PTER: variants seen among roughly 807,000 people sequenced by gnomAD.
PTER encodes the protein phosphotriesterase related, also known as N-acetyltaurine hydrolase.
PTER carries 38 observed loss-of-function variants against 29.6 expected under a neutral mutation model. The observed-to-expected ratio is 1.28, with a 90% confidence interval of 0.99 to 1.68. The LOEUF (loss-of-function observed/expected upper bound fraction) is 1.68. Ranked by LOEUF, PTER falls within the 40% of genes most tolerant of loss-of-function variation. The pLI is 0.00. For synonymous variants in PTER, 172 were observed against 154.5 expected (o/e 1.11, Z -0.84); for missense variants, 482 against 427.8 (o/e 1.13, Z -1.12).
At chr10:16,486,325 A>T in intron 2 of PTER, 27 bp from the exon 3 acceptor site, 1 of 1,583,180 alleles carries the variant, frequency 6.3e-7, no homozygotes, top group Non-Finnish European at 8.6e-7. Flanking sequence ...CAACCTATAA[A>T]ATATATTCCT....
intron 1 of PTER, among the ~76,000 whole-genome samples, chr10:16,446,178 T>G (rs1834004904): frequency 6.6e-6 from 1 of 152,034 alleles, no homozygotes; most frequent in South Asian, 2.1e-4. Context: ...GGGAGAAGGC[T>G]CTTACAAATA....
chr10:16,479,110 G>C (rs930877253), intron 1 of PTER, among the ~76,000 whole-genome samples: 2 of 152,022 alleles, frequency 1.3e-5, no homozygotes, highest in Non-Finnish European at 2.9e-5. Context: ...GAAAGCTTGG[G>C]AATGAAACCC....
At chr10:16,486,717 C>T in intron 3 of PTER, 100 bp downstream of exon 3, 1 of 1,287,772 alleles carries the variant, frequency 7.8e-7, no homozygotes, top group Non-Finnish European at 1.1e-6. Flanking sequence ...ACTAATCACG[C>T]AGAGAAAACC....
At chr10:16,482,080 A>G (rs1835501218) in intron 1 of PTER, among the ~76,000 whole-genome samples, 2 of 152,330 alleles carry the variant, frequency 1.3e-5, no homozygotes, top group South Asian at 4.1e-4. Flanking sequence ...TGAATTGCCT[A>G]GCTGATAGAA....
At chr10:16,501,239 T>C (rs1381759730) in intron 3 of PTER, among the ~76,000 whole-genome samples, 1 of 151,972 alleles carries the variant, frequency 6.6e-6, no homozygotes, top group Non-Finnish European at 1.5e-5. Flanking sequence ...CCAATATTTG[T>C]AATATTCATT....
chr10:16,484,847 G>T (rs1470806630), intron 2 of PTER, 31 bp downstream of exon 2: 3 of 1,548,392 alleles, frequency 1.9e-6, no homozygotes, highest in Admixed American at 4.2e-5. Context: ...GACAGTATTT[G>T]TTCATAAATT....
intron 1 of PTER, among the ~76,000 whole-genome samples, chr10:16,472,621 CA>C (rs1835095390): frequency 6.6e-6 from 1 of 152,186 alleles, no homozygotes; most frequent in African/African-American, 2.4e-5. Context: ...TACCCAGTCT[CA>C]GTTATATCTT....
chr10:16,447,257 C>A (rs147529023), intron 1 of PTER, among the ~76,000 whole-genome samples: 2,711 of 151,640 alleles, frequency 0.018, 85 homozygotes, highest in African/African-American at 0.063. Context: ...CATGCCACAC[C>A]TAATTTTTTT....
At chr10:16,511,020 A>G in intron 4 of PTER, 26 bp from the exon 5 acceptor site, 4 of 1,587,558 alleles carry the variant, frequency 2.5e-6, no homozygotes, top group Non-Finnish European at 3.4e-6. Flanking sequence ...GACAAATGAC[A>G]TCTAATGAGT....
chr10:16,501,973 G>T (rs189872462), intron 3 of PTER, among the ~76,000 whole-genome samples: 2 of 152,328 alleles, frequency 1.3e-5, no homozygotes, highest in East Asian at 3.9e-4. Context: ...TGATGATAAT[G>T]ATGCTAAGTG....
chr10:16,462,591 G>A (rs1442994325), intron 1 of PTER, among the ~76,000 whole-genome samples: 2 of 128,296 alleles, frequency 1.6e-5, no homozygotes, highest in Non-Finnish European at 3.2e-5. Flanking sequence ...TTTTTTTTGA[G>A]ACAGAGTCTC....
rs149118825 is a variant in PTER, at chr10:16,452,339, C to T, written c.-49+15292C>T. 4.7e-3 allele frequency among the ~76,000 whole-genome samples: 713 copies of T among 151,268 alleles called. 4 individuals carry two copies. Among genetic ancestry groups the T allele is most frequent in the African/African-American group, 0.016 (664 of 41,116 alleles). ...TGAGATTGAGTCTCACTCTGTCACC[C>T]AGGCTGGAGTGCAGTGGCATGATCT... On this transcript the variant is annotated intron_variant, in intron 1 of 4. Transcript: ENST00000535784.
intron 1 of PTER, among the ~76,000 whole-genome samples, chr10:16,445,138 C>T (rs1833972000): frequency 6.6e-6 from 1 of 152,046 alleles, no homozygotes; most frequent in African/African-American, 2.4e-5. Context: ...AATATATGGC[C>T]TCCTGTGAGG....
chr10:16,499,495 G>A (rs971002415), intron 3 of PTER, among the ~76,000 whole-genome samples: 2 of 151,780 alleles, frequency 1.3e-5, no homozygotes, highest in East Asian at 3.9e-4. Flanking sequence ...AGGCTGGAGT[G>A]CAGTGGCTTG....
intron 1 of PTER, among the ~76,000 whole-genome samples, chr10:16,442,752 G>A (rs1001697159): frequency 6.6e-6 from 1 of 152,194 alleles, no homozygotes; most frequent in Non-Finnish European, 1.5e-5. Flanking sequence ...GACCAAGGCA[G>A]GCGGACCACT....
chr10:16,469,912 T>A (rs951690054), intron 1 of PTER, among the ~76,000 whole-genome samples: 16 of 150,440 alleles, frequency 1.1e-4, no homozygotes, highest in Non-Finnish European at 5.9e-5. Flanking sequence ...TTTTTTTTTT[T>A]AATTTAAATA....
intron 1 of PTER, among the ~76,000 whole-genome samples, chr10:16,468,372 C>T (rs1834921459): frequency 1.1e-5 from 1 of 94,484 alleles, no homozygotes; most frequent in East Asian, 5.5e-4. Flanking sequence ...AAATGTTTAG[C>T]TCTTTTTTTT....
chr10:16,440,581 A>G (rs1312377986), intron 1 of PTER, among the ~76,000 whole-genome samples: 2 of 152,208 alleles, frequency 1.3e-5, no homozygotes, highest in African/African-American at 4.8e-5. Flanking sequence ...CCTTCCAGGC[A>G]GGTATGTCCA....
At chr10:16,480,976 T>C (rs1402268147) in intron 1 of PTER, among the ~76,000 whole-genome samples, 11 of 152,250 alleles carry the variant, frequency 7.2e-5, no homozygotes, top group Non-Finnish European at 1.5e-4. Flanking sequence ...TGTCCTCTGA[T>C]TCTCTTCTCT....
Sources: allele counts gnomAD v4.1 joint callset (sites outside exome capture counted in the v4.1 genomes callset), GRCh38; gene constraint gnomAD v4.1.1; transcripts MANE v1.5; gene names NCBI Gene and HGNC (gene_info 2026-07-23, HGNC 2026-07-21).